Variants in CADPS2 observed in about 807,000 individuals in gnomAD.
The protein encoded by CADPS2 is calcium dependent secretion activator 2, also known as calcium-dependent secretion activator 2.
In CADPS2, 93 loss-of-function variants were observed where a neutral mutation model predicts 172.5. That is an observed-to-expected ratio of 0.54 (90% CI 0.46 to 0.64). CADPS2 has a LOEUF of 0.64. Among genes scored for constraint, CADPS2 ranks in the 30% least tolerant of loss-of-function variants. CADPS2 has a pLI of 0.00. For synonymous variants in CADPS2, 546 were observed against 555.2 expected (o/e 0.98, Z 0.23); for missense variants, 1,420 against 1,565.9 (o/e 0.91, Z 1.57).
intron 7 of CADPS2, among the ~76,000 whole-genome samples, chr7:122,579,587 G>A (rs2068535833): frequency 6.6e-6 from 1 of 150,652 alleles, no homozygotes; most frequent in South Asian, 2.1e-4. Flanking sequence ...ACTTAAAATG[G>A]CTGCTGTTAA....
chr7:122,595,507 C>T (rs2071623236), intron 6 of CADPS2, among the ~76,000 whole-genome samples: 1 of 151,984 alleles, frequency 6.6e-6, no homozygotes, highest in Non-Finnish European at 1.5e-5. Flanking sequence ...TTCTTAATTG[C>T]TTACATTTAA....
chr7:122,803,397 C>A (rs1487058643), intron 1 of CADPS2, among the ~76,000 whole-genome samples: 1 of 152,122 alleles, frequency 6.6e-6, no homozygotes, highest in Admixed American at 6.5e-5. Context: ...CCTGCTGCTG[C>A]AAGAGGAAGA....
intron 2 of CADPS2, among the ~76,000 whole-genome samples, chr7:122,721,416 C>T (rs187593299): frequency 0.011 from 1,613 of 152,178 alleles, 24 homozygotes; most frequent in African/African-American, 0.036. Context: ...AACACCTCTA[C>T]GCAAATAAAC....
rs1008163151 is a variant in CADPS2, at chr7:122,399,660, C to CTTTTTTTTTTTTT, written c.2747-6091_2747-6079dup. Among the ~76,000 whole-genome samples the CTTTTTTTTTTTTT allele has an allele frequency of 3.7e-4, 19 of 51,228 alleles. 2 individuals carry two copies. The highest frequency in any genetic ancestry group is 5.5e-4 in the Non-Finnish European group (15 of 27,068). The allele number at this position is 51,228 out of a possible 152,430, so 33.6% of individuals were successfully genotyped here. A position where few individuals can be genotyped will look rare whatever the true frequency, so the allele number is the denominator to read the frequency against. On this transcript the variant is annotated intron_variant, in intron 20 of 29. Coordinates refer to ENST00000449022, the MANE Select transcript of CADPS2 (RefSeq NM_017954.11). ...CGATAACTCTCTCAAGGGTGGGTTT[C>CTTTTTTTTTTTTT]TTTTTTTTTTTTTTTTTTTTTTTTT...
chr7:122,336,465 A>G (rs1222231312), intron 28 of CADPS2, among the ~76,000 whole-genome samples: 1 of 152,252 alleles, frequency 6.6e-6, no homozygotes, highest in Admixed American at 6.5e-5. Flanking sequence ...ACAAGGCACT[A>G]GAGACCAGTT....
chr7:122,608,878 A>G (rs574440397), intron 6 of CADPS2, among the ~76,000 whole-genome samples: 1 of 151,970 alleles, frequency 6.6e-6, no homozygotes, highest in Non-Finnish European at 1.5e-5. Flanking sequence ...CTGGACACTT[A>G]AAAATTTGTT....
chr7:122,634,343 T>G lies in CADPS2; in HGVS notation c.787-5015A>C, dbSNP rs146523603. Among the ~76,000 whole-genome samples the G allele has an allele frequency of 2.4e-3, 371 of 152,318 alleles. 1 individual carries two copies. The highest frequency in any genetic ancestry group is 0.014 in the Middle Eastern group (4 of 294). On this transcript the variant is annotated intron_variant, in intron 3 of 29. Coordinates refer to ENST00000449022, the MANE Select transcript of CADPS2 (RefSeq NM_017954.11). ...GTAATTTTTAAATTACTGATTCAAT[T>G]TCAGCATTTGTTACTGGTCTGTTCA...
intron 5 of CADPS2, among the ~76,000 whole-genome samples, chr7:122,615,633 A>C (rs1358598846): frequency 1.3e-5 from 2 of 152,166 alleles, no homozygotes; most frequent in African/African-American, 4.8e-5. Flanking sequence ...CACATTAAGC[A>C]GAATCACAAA....
chr7:122,344,319 G>A, intron 28 of CADPS2, among the ~76,000 whole-genome samples: 1 of 152,200 alleles, frequency 6.6e-6, no homozygotes, highest in East Asian at 1.9e-4. Context: ...AATCTGTATT[G>A]TGGTGAATTA....
At chr7:122,724,974 T>C (rs1588771518) in intron 2 of CADPS2, among the ~76,000 whole-genome samples, 1 of 152,014 alleles carries the variant, frequency 6.6e-6, no homozygotes, top group African/African-American at 2.4e-5. Flanking sequence ...AAAAAACAAA[T>C]TTGTGTTATA....
chr7:122,806,924 G>A (rs901094488), intron 1 of CADPS2, among the ~76,000 whole-genome samples: 1 of 152,120 alleles, frequency 6.6e-6, no homozygotes, highest in Non-Finnish European at 1.5e-5. Flanking sequence ...TCAATCTATT[G>A]CCTCTTAGCA....
At chr7:122,682,219 A>C (rs1057153679) in intron 2 of CADPS2, among the ~76,000 whole-genome samples, 2 of 152,220 alleles carry the variant, frequency 1.3e-5, no homozygotes, top group Non-Finnish European at 2.9e-5. Context: ...TGTGCAACAA[A>C]GACTGAGACC....
intron 22 of CADPS2, among the ~76,000 whole-genome samples, chr7:122,390,042 A>G (rs1360548589): frequency 1.3e-5 from 2 of 152,058 alleles, no homozygotes; most frequent in Non-Finnish European, 2.9e-5. Context: ...TCAAAGCTCT[A>G]TCACAAACCT....
chr7:122,670,734 CA>C (rs1206201274), intron 2 of CADPS2, among the ~76,000 whole-genome samples: 1 of 151,850 alleles, frequency 6.6e-6, no homozygotes, highest in East Asian at 2.0e-4. Flanking sequence ...CTCCTGACCT[CA>C]AGTGATCCAC....
chr7:122,880,159 G>A (rs1822494804), intron 1 of CADPS2, among the ~76,000 whole-genome samples: 1 of 152,252 alleles, frequency 6.6e-6, no homozygotes. Context: ...AGGAATTACT[G>A]AGTGTCAGCT....
intron 2 of CADPS2, among the ~76,000 whole-genome samples, chr7:122,724,585 G>A (rs1051527509): frequency 1.8e-4 from 28 of 151,986 alleles, no homozygotes; most frequent in Admixed American, 4.6e-4. Context: ...TCATTAACTG[G>A]TTCAATCATC....
At chr7:122,539,751 G>A (rs537712900) in intron 8 of CADPS2, among the ~76,000 whole-genome samples, 1 of 138,200 alleles carries the variant, frequency 7.2e-6, no homozygotes, top group African/African-American at 2.9e-5. Flanking sequence ...CTCTCTCTCT[G>A]TCTCTCTCTG....
chr7:122,742,155 T>A lies in CADPS2; in HGVS notation c.340-5087A>T, dbSNP rs545428456. On this transcript the variant is annotated intron_variant, in intron 1 of 29. Coordinates refer to ENST00000449022, the MANE Select transcript of CADPS2 (RefSeq NM_017954.11). ...CCTGTAATCCCAGCATTTTGGGAGG[T>A]CAAGGCAGGCGGATCACCTGAGGTC... is the stretch of plus-strand genomic sequence containing the variant. Among the ~76,000 whole-genome samples the A allele has an allele frequency of 1.1e-3, 173 of 150,682 alleles. 6 individuals are homozygous for A. In the South Asian group the frequency reaches 0.035, roughly 30 times the overall value.
At chr7:122,415,712 C>G (rs2047820436) in intron 18 of CADPS2, among the ~76,000 whole-genome samples, 1 of 152,060 alleles carries the variant, frequency 6.6e-6, no homozygotes, top group Admixed American at 6.6e-5. Context: ...TCACTGCAAG[C>G]CCTCTTGTGG....
Sources: allele counts gnomAD v4.1 joint callset (sites outside exome capture counted in the v4.1 genomes callset), GRCh38; gene constraint gnomAD v4.1.1; transcripts MANE v1.5; gene names NCBI Gene and HGNC (gene_info 2026-07-23, HGNC 2026-07-21).